SNED1: variants seen among roughly 807,000 people sequenced by gnomAD.
SNED1 encodes sushi, nidogen and EGF like domains 1.
In SNED1, 81 loss-of-function variants were observed where a neutral mutation model predicts 166.7. That is an observed-to-expected ratio of 0.49 (90% CI 0.41 to 0.58). The LOEUF (loss-of-function observed/expected upper bound fraction) is 0.58. Among genes scored for constraint, SNED1 ranks in the 20% least tolerant of loss-of-function variants. The pLI is 0.00. For synonymous variants in SNED1, 762 were observed against 822.0 expected (o/e 0.93, Z 1.25); for missense variants, 1,604 against 2,000.2 (o/e 0.80, Z 3.78).
intron 3 of SNED1, 63 bp from the exon 4 acceptor site, chr2:241,034,505 A>G: frequency 1.4e-6 from 2 of 1,418,530 alleles, no homozygotes; most frequent in Non-Finnish European, 1.9e-6. Flanking sequence ...GGGGCAGGGT[A>G]ACCCCCACCT....
At chr2:241,061,236 A>G (rs897124807) in intron 16 of SNED1, among the ~76,000 whole-genome samples, 11 of 152,238 alleles carry the variant, frequency 7.2e-5, no homozygotes, top group Non-Finnish European at 1.2e-4. Flanking sequence ...TCATGGAAGA[A>G]GAGATACAAA....
Position 241,036,935 on chromosome 2 carries a change from C to T in SNED1, c.931+20C>T, listed in dbSNP as rs756771551. 7.5e-6 allele frequency: 12 copies of T among 1,599,210 alleles called. No homozygotes were observed. The South Asian group carries it at 7.8e-5, about 10-fold the overall frequency. ...ACCTGGGTGAGTGACTGGCCCAGGG[C>T]GGGACCACCCGCTGGCTGCGCTGGG... On this transcript the variant is annotated intron_variant, in intron 5 of 31. Coordinates refer to ENST00000310397, the MANE Select transcript of SNED1 (RefSeq NM_001080437.3).
chr2:241,001,322 G>A (rs2060071361), intron 1 of SNED1, among the ~76,000 whole-genome samples: 2 of 152,218 alleles, frequency 1.3e-5, no homozygotes, highest in Admixed American at 1.3e-4. Flanking sequence ...CATGAGATGG[G>A]TGCTTCTTCT....
At chr2:241,060,354 T>G (rs894109127) in intron 16 of SNED1, among the ~76,000 whole-genome samples, 1 of 152,180 alleles carries the variant, frequency 6.6e-6, no homozygotes, top group African/African-American at 2.4e-5. Context: ...AGCTAATTTT[T>G]GTATTCCTAA....
chr2:241,083,122 G>T (rs1297649219), intron 29 of SNED1, among the ~76,000 whole-genome samples: 1 of 152,202 alleles, frequency 6.6e-6, no homozygotes, highest in Non-Finnish European at 1.5e-5. Context: ...AAGGGAAAAA[G>T]GACGAGATGA....
At chr2:241,072,392 T>C (rs565638486) in intron 26 of SNED1, 23 of 363,686 alleles carry the variant, frequency 6.3e-5, no homozygotes, top group African/African-American at 4.5e-4. Context: ...TCTGGGAATC[T>C]GCCTGTGATT....
chr2:241,008,788 G>C (rs1449780120), intron 1 of SNED1, among the ~76,000 whole-genome samples: 1 of 152,376 alleles, frequency 6.6e-6, no homozygotes, highest in Middle Eastern at 3.4e-3. Flanking sequence ...CTGCGGGCCA[G>C]TCAGGGAGCA....
rs557163318 is a variant in SNED1, at chr2:241,095,537, AAAAT to A, written c.*3905_*3908del. 48 of 163,176 alleles carry A rather than the reference AAAAT, an allele frequency of 2.9e-4. No individual in the cohort carries two copies. The highest frequency in any genetic ancestry group is 6.1e-4 in the Non-Finnish European group (45 of 74,282). The allele number at this position is 163,176 out of a possible 1,614,324, so 10.1% of individuals were successfully genotyped here. On this transcript the variant is annotated 3_prime_UTR_variant, in exon 32 of 32. Coordinates refer to ENST00000310397, the MANE Select transcript of SNED1 (RefSeq NM_001080437.3). ...TGGAAAATCTGCTACATGTTTTCAT[AAAAT>A]AAAGTGCTATGATGTACTAAAACCT...
At chr2:241,038,723 ACT>A (rs1335066640) in intron 6 of SNED1, among the ~76,000 whole-genome samples, 1 of 152,354 alleles carries the variant, frequency 6.6e-6, no homozygotes, top group South Asian at 2.1e-4. Context: ...GCCGTGGCAG[ACT>A]CAGCCCTGCA....
At chr2:241,046,407 C>T (rs2061648341) in intron 8 of SNED1, among the ~76,000 whole-genome samples, 1 of 152,198 alleles carries the variant, frequency 6.6e-6, no homozygotes, top group South Asian at 2.1e-4. Context: ...CTCAAATACC[C>T]TTCACTGGGT....
chr2:241,060,749 A>G (rs2062205726), intron 16 of SNED1, among the ~76,000 whole-genome samples: 1 of 152,064 alleles, frequency 6.6e-6, no homozygotes, highest in Non-Finnish European at 1.5e-5. Flanking sequence ...TGCAGCATAG[A>G]GAGACCCCCA....
intron 1 of SNED1, among the ~76,000 whole-genome samples, chr2:241,007,574 G>C (rs1048855288): frequency 2.0e-5 from 3 of 152,116 alleles, no homozygotes; most frequent in Non-Finnish European, 2.9e-5. Flanking sequence ...GTGATCATTG[G>C]GATGATATAT....
intron 1 of SNED1, among the ~76,000 whole-genome samples, chr2:241,017,589 C>A (rs1428282556): frequency 1.3e-5 from 2 of 152,232 alleles, no homozygotes; most frequent in African/African-American, 4.8e-5. Flanking sequence ...CAGCAGAGTG[C>A]CTCTCTTACC....
intron 27 of SNED1, among the ~76,000 whole-genome samples, chr2:241,078,614 T>C (rs984193835): frequency 1.3e-5 from 2 of 151,658 alleles, no homozygotes; most frequent in African/African-American, 2.4e-5. Context: ...GAAAGTACAT[T>C]AGCGGTTGCT....
At chr2:241,065,194 T>G (rs2062388532) in intron 20 of SNED1, 105 bp from the exon 21 acceptor site, 2 of 1,181,214 alleles carry the variant, frequency 1.7e-6, no homozygotes, top group African/African-American at 3.1e-5. Flanking sequence ...GCGATGGCTG[T>G]GTCAGGCCCA....
At chr2:241,004,693 G>A (rs1317397149) in intron 1 of SNED1, among the ~76,000 whole-genome samples, 1 of 151,850 alleles carries the variant, frequency 6.6e-6, no homozygotes, top group African/African-American at 2.4e-5. Context: ...CTTTACACAT[G>A]TTATAAACCC....
chr2:241,038,153 C>G (rs1459232866), intron 6 of SNED1, among the ~76,000 whole-genome samples: 2 of 152,004 alleles, frequency 1.3e-5, no homozygotes, highest in African/African-American at 2.4e-5. Context: ...ATCAAAGCAC[C>G]GTGACCTGCT....
rs1161136136 is a variant in SNED1, at chr2:241,069,718, C to T, written c.3308-202C>T. Among the ~76,000 whole-genome samples the T allele has an allele frequency of 6.6e-6, 1 of 152,064 alleles. No homozygotes were observed. The highest frequency in any genetic ancestry group is 1.9e-4 in the East Asian group (1 of 5,168). On this transcript the variant is annotated intron_variant, in intron 23 of 31. Transcript: ENST00000310397. The surrounding 1 kb of genome is among the most constrained non-coding windows in gnomAD (Gnocchi z 4.9). ...TCCTAACCCGAGGGGAGGGTGGCAA[C>T]CAGGGGCCTGCAGGTCTCTCGGTTG...
chr2:241,049,507 G>A (rs2061764080), intron 11 of SNED1, among the ~76,000 whole-genome samples: 1 of 152,204 alleles, frequency 6.6e-6, no homozygotes, highest in African/African-American at 2.4e-5. Context: ...CTTGCATCAC[G>A]TATAGTTATA....
Sources: gnomAD v4.1 joint callset for allele counts (sites outside exome capture counted in the v4.1 genomes callset) on GRCh38, gnomAD v4.1.1 for gene constraint, Gnocchi (gnomAD v3.1) non-coding constraint, MANE v1.5 for transcripts, NCBI Gene and HGNC (gene_info 2026-07-23, HGNC 2026-07-21) for gene names.